The following SPDYE10 variants were observed in gnomAD, a reference collection of about 807,000 sequenced individuals.
SPDYE10 encodes the protein speedy protein E10.
the SPDYE10 span, among the ~76,000 whole-genome samples, chr7:73,147,799 T>TTTTG: frequency 0.031 from 4,498 of 142,810 alleles, 868 homozygotes; most frequent in African/African-American, 0.12. Flanking sequence ...CTGGCCTGTT[T>TTTTG]TTTGTTTGTT....
At chr7:73,135,406 G>GCATT in the SPDYE10 span, among the ~76,000 whole-genome samples, 24,301 of 144,920 alleles carry the variant, frequency 0.17, 1,149 homozygotes, top group African/African-American at 0.19. Context: ...CTTTGTCCAC[G>GCATT]CATTCATTCA....
the SPDYE10 span, among the ~76,000 whole-genome samples, chr7:73,126,669 AT>A: frequency 1.8e-4 from 26 of 146,568 alleles, no homozygotes; most frequent in East Asian, 3.5e-3. Flanking sequence ...ATAAAGAGGA[AT>A]TTTTTTTCTT....
chr7:73,149,697 A>G, the SPDYE10 span, among the ~76,000 whole-genome samples: 1 of 147,732 alleles, frequency 6.8e-6, no homozygotes, highest in South Asian at 2.2e-4. Context: ...TGCAAAGTCC[A>G]AGATGGTCTC....
the SPDYE10 span, among the ~76,000 whole-genome samples, chr7:73,154,758 C>G: frequency 1.1e-4 from 16 of 151,126 alleles, no homozygotes; most frequent in South Asian, 3.1e-3. Flanking sequence ...CTGCATTTCC[C>G]GTGCACCGGG....
At chr7:73,151,548 AAAAG>A in the SPDYE10 span, among the ~76,000 whole-genome samples, 1 of 4,890 alleles carries the variant, frequency 2.0e-4, no homozygotes, top group East Asian at 1.4e-3. Context: ...AAAAAAAAAA[AAAAG>A]AAAGAAAGAA....
chr7:73,135,906 G>A, the SPDYE10 span, among the ~76,000 whole-genome samples: 1 of 63,684 alleles, frequency 1.6e-5, no homozygotes, highest in Non-Finnish European at 2.8e-5. Context: ...TTGAGATAGA[G>A]TTTTGTTCTT....
At chr7:73,139,301 A>C in the SPDYE10 span, among the ~76,000 whole-genome samples, 1 of 46,050 alleles carries the variant, frequency 2.2e-5, no homozygotes, top group Non-Finnish European at 4.5e-5. Flanking sequence ...GAACTCAGCT[A>C]TGTCTGACAT....
At chr7:73,141,138 G>A in the SPDYE10 span, among the ~76,000 whole-genome samples, 5 of 152,028 alleles carry the variant, frequency 3.3e-5, no homozygotes, top group African/African-American at 1.2e-4. Context: ...CGTGAGGCTT[G>A]AATGCCAACT....
chr7:73,142,797 G>A, the SPDYE10 span, among the ~76,000 whole-genome samples: 1 of 152,064 alleles, frequency 6.6e-6, no homozygotes, highest in Non-Finnish European at 1.5e-5. Flanking sequence ...GCCGGGTGTG[G>A]TGGTGGGCGC....
the SPDYE10 span, among the ~76,000 whole-genome samples, chr7:73,126,466 C>T: frequency 1.3e-3 from 150 of 116,716 alleles, no homozygotes; most frequent in African/African-American, 5.6e-3. Context: ...AATATTGTGC[C>T]ACTGCACTCC....
chr7:73,135,078 A>G, the SPDYE10 span, among the ~76,000 whole-genome samples: 2 of 152,268 alleles, frequency 1.3e-5, no homozygotes, highest in African/African-American at 4.8e-5. Context: ...GTGTTCCCTC[A>G]CTGATCTGAC....
At chr7:73,123,178 C>T in the SPDYE10 span, among the ~76,000 whole-genome samples, 1 of 152,226 alleles carries the variant, frequency 6.6e-6, no homozygotes, top group Non-Finnish European at 1.5e-5. Context: ...CCATTCCTGG[C>T]CCAGGTGAGA....
chr7:73,111,344 A>G, the SPDYE10 span, among the ~76,000 whole-genome samples: 1 of 133,976 alleles, frequency 7.5e-6, no homozygotes, highest in South Asian at 2.4e-4. Context: ...TCCTCAGAAC[A>G]CTGCCTCATA....
the SPDYE10 span, among the ~76,000 whole-genome samples, chr7:73,149,069 C>A: frequency 1.3e-5 from 2 of 152,076 alleles, no homozygotes; most frequent in South Asian, 4.2e-4. Context: ...TAGTCTCAAC[C>A]TCCTGGGCTC....
At chr7:73,137,628 AAGAAAG>A in the SPDYE10 span, among the ~76,000 whole-genome samples, 415 of 132,146 alleles carry the variant, frequency 3.1e-3, no homozygotes, top group Non-Finnish European at 4.8e-3. Context: ...GAAAGAAAGA[AAGAAAG>A]AAAGAAAGGA....
chr7:73,142,674 T>A, the SPDYE10 span, among the ~76,000 whole-genome samples: 1 of 152,086 alleles, frequency 6.6e-6, no homozygotes, highest in Non-Finnish European at 1.5e-5. Context: ...CAGTGGCTGA[T>A]GCCTGTAATC....
chr7:73,153,614 T>A, the SPDYE10 span, among the ~76,000 whole-genome samples: 1 of 21,160 alleles, frequency 4.7e-5, no homozygotes, highest in Non-Finnish European at 9.3e-5. Flanking sequence ...AAAAAGAAAG[T>A]TAAAAAAAAA....
chr7:73,135,409 T>C, the SPDYE10 span, among the ~76,000 whole-genome samples: 1 of 142,216 alleles, frequency 7.0e-6, no homozygotes, highest in Admixed American at 7.0e-5. Flanking sequence ...TGTCCACGCA[T>C]TCATTCATTC....
At chr7:73,127,593 G>T in the SPDYE10 span, among the ~76,000 whole-genome samples, 2 of 77,470 alleles carry the variant, frequency 2.6e-5, no homozygotes, top group Non-Finnish European at 5.6e-5. Flanking sequence ...GGGAGGGGAA[G>T]GGGGAGAGGA....
Sources: gnomAD v4.1 joint callset for allele counts (sites outside exome capture counted in the v4.1 genomes callset) on GRCh38, gnomAD v4.1.1 for gene constraint, MANE v1.5 for transcripts, NCBI Gene and HGNC (gene_info 2026-07-23, HGNC 2026-07-21) for gene names.